TBC1D5: variants seen among roughly 807,000 people sequenced by gnomAD.
The protein encoded by TBC1D5 is TBC1 domain family, member 5.
In TBC1D5, 75 loss-of-function variants were observed where a neutral mutation model predicts 100.3. That is an observed-to-expected ratio of 0.75 (90% CI 0.62 to 0.91). The LOEUF is 0.91. Among genes scored for constraint, TBC1D5 ranks in the 40% least tolerant of loss-of-function variants. The probability of loss-of-function intolerance (pLI) is 0.00; values close to 1 mark genes in which losing one functional copy is unlikely to be tolerated. For synonymous variants in TBC1D5, 323 were observed against 325.6 expected, an observed-to-expected ratio of 0.99 and a Z score of 0.09; for missense variants, 910 against 942.4, an observed-to-expected ratio of 0.97 and a Z score of 0.45.
At chr3:17,649,617 G>A in intron 1 of TBC1D5, among the ~76,000 whole-genome samples, 1 of 152,082 alleles carries the variant, frequency 6.6e-6, no homozygotes, top group East Asian at 1.9e-4. Context: ...CAGTTAGAAT[G>A]GTGATCATTA....
intron 3 of TBC1D5, among the ~76,000 whole-genome samples, chr3:17,435,347 GACT>G (rs769640202): frequency 2.0e-5 from 3 of 152,108 alleles, no homozygotes; most frequent in Non-Finnish European, 4.4e-5. Flanking sequence ...TGCTATAAAG[GACT>G]ACCCAAGACT....
At chr3:17,649,911 A>G (rs2065375430) in intron 1 of TBC1D5, among the ~76,000 whole-genome samples, 1 of 152,238 alleles carries the variant, frequency 6.6e-6, no homozygotes, top group Admixed American at 6.5e-5. Context: ...CATCAATGAT[A>G]GACTGAATAA....
At chr3:17,679,884 T>C (rs1249099165) in intron 1 of TBC1D5, among the ~76,000 whole-genome samples, 1 of 151,462 alleles carries the variant, frequency 6.6e-6, no homozygotes, top group Non-Finnish European at 1.5e-5. Context: ...GACCCTTGCA[T>C]TGCAGAATAC....
chr3:17,528,932 T>C (rs1392021690), intron 2 of TBC1D5, among the ~76,000 whole-genome samples: 1 of 152,206 alleles, frequency 6.6e-6, no homozygotes, highest in Non-Finnish European at 1.5e-5. Context: ...TTACTAGACA[T>C]TTCCACTTAT....
chr3:17,218,340 C>G (rs975172617), intron 17 of TBC1D5, among the ~76,000 whole-genome samples: 3 of 151,932 alleles, frequency 2.0e-5, no homozygotes, highest in African/African-American at 7.2e-5. Flanking sequence ...ATTTTAGGAT[C>G]ACTTTGCCAT....
chr3:17,435,968 T>C (rs949528935), intron 3 of TBC1D5, among the ~76,000 whole-genome samples: 5 of 152,208 alleles, frequency 3.3e-5, no homozygotes, highest in Non-Finnish European at 7.3e-5. Context: ...ACAGAGCCAG[T>C]CTGCAAAGAC....
At chr3:17,601,970 T>C (rs992713561) in intron 2 of TBC1D5, among the ~76,000 whole-genome samples, 21 of 152,160 alleles carry the variant, frequency 1.4e-4, no homozygotes, top group Admixed American at 3.9e-4. Flanking sequence ...GCTGGGACTA[T>C]AGGCGCCTGC....
chr3:17,238,810 G>C (rs1559470077), intron 16 of TBC1D5, among the ~76,000 whole-genome samples: 1 of 152,258 alleles, frequency 6.6e-6, no homozygotes, highest in East Asian at 1.9e-4. Context: ...ATGAAGGACA[G>C]GCTAGGCAAG....
intron 3 of TBC1D5, among the ~76,000 whole-genome samples, chr3:17,463,118 T>A (rs2095243935): frequency 6.6e-6 from 1 of 152,226 alleles, no homozygotes; most frequent in Non-Finnish European, 1.5e-5. Context: ...CATTATATCC[T>A]GCTGTACTAC....
chr3:17,482,041 G>A (rs1055336860), intron 3 of TBC1D5, among the ~76,000 whole-genome samples: 6 of 152,000 alleles, frequency 3.9e-5, no homozygotes, highest in East Asian at 1.9e-4. Context: ...GCGCCTGGCC[G>A]ACTCATTTAT....
chr3:17,518,798 G>A (rs1359747593), intron 2 of TBC1D5: 1 of 152,318 alleles, frequency 6.6e-6, no homozygotes, highest in African/African-American at 2.4e-5. Flanking sequence ...GCCCTCTGGG[G>A]CTTTAGAGGT....
intron 2 of TBC1D5, among the ~76,000 whole-genome samples, chr3:17,567,870 C>T (rs2096602849): frequency 6.6e-6 from 1 of 151,582 alleles, no homozygotes; most frequent in South Asian, 2.1e-4. Flanking sequence ...CTATATATGA[C>T]AAGGTAAGAA....
intron 15 of TBC1D5, among the ~76,000 whole-genome samples, chr3:17,261,266 A>C (rs2149472198): frequency 6.6e-6 from 1 of 152,322 alleles, no homozygotes; most frequent in Non-Finnish European, 1.5e-5. Context: ...AACAACCAAA[A>C]CAAAACCAAA....
chr3:17,177,619 T>C (rs1050705488), intron 19 of TBC1D5, among the ~76,000 whole-genome samples: 4 of 152,204 alleles, frequency 2.6e-5, no homozygotes, highest in African/African-American at 9.7e-5. Context: ...TCCTTACTGC[T>C]CAGAATCTGT....
chr3:17,526,361 AT>A (rs1236275580), intron 2 of TBC1D5, among the ~76,000 whole-genome samples: 17 of 152,090 alleles, frequency 1.1e-4, no homozygotes, highest in Non-Finnish European at 1.9e-4. Flanking sequence ...GGGACTACAG[AT>A]GAGTGCCACC....
At chr3:17,642,131 T>C (rs1308923461) in intron 1 of TBC1D5, among the ~76,000 whole-genome samples, 1 of 152,142 alleles carries the variant, frequency 6.6e-6, no homozygotes, top group Non-Finnish European at 1.5e-5. Flanking sequence ...TAAAATTTTT[T>C]ATACTTTTAT....
chr3:17,524,584 C>T (rs992938315), intron 2 of TBC1D5: 3 of 152,126 alleles, frequency 2.0e-5, no homozygotes, highest in Non-Finnish European at 4.4e-5. Context: ...ATGTAACATA[C>T]ATGGACAGAA....
chr3:17,710,281 T>C (rs554220848), intron 1 of TBC1D5, among the ~76,000 whole-genome samples: 10 of 152,022 alleles, frequency 6.6e-5, no homozygotes, highest in Non-Finnish European at 1.2e-4. Context: ...TTGATAAAAA[T>C]AGGTCGGGTG....
intron 13 of TBC1D5, among the ~76,000 whole-genome samples, chr3:17,365,487 C>T (rs1022828821): frequency 2.0e-5 from 3 of 152,296 alleles, no homozygotes; most frequent in African/African-American, 7.2e-5. Context: ...ATCCAGTAGT[C>T]TGACTTAAAT....
Sources: gnomAD v4.1 joint callset for allele counts (sites outside exome capture counted in the v4.1 genomes callset) on GRCh38, gnomAD v4.1.1 for gene constraint, MANE v1.5 for transcripts, NCBI Gene and HGNC (gene_info 2026-07-23, HGNC 2026-07-21) for gene names.